Variants in BACH2 observed in about 807,000 individuals in gnomAD.
BACH2 encodes transcription regulator protein BACH2.
Under a neutral mutation model 61.8 loss-of-function variants are expected in BACH2, and 5 were observed. The ratio of observed to expected loss-of-function variants is 0.08; its 90% CI spans 0.04 to 0.17. BACH2 has a LOEUF of 0.17. Among genes scored for constraint, BACH2 ranks in the 10% least tolerant of loss-of-function variants. The pLI is 1.00. For missense variants in BACH2, 824 were observed against 1,091.1 expected (o/e 0.76, Z 3.45); for synonymous variants, 446 against 440.1 (o/e 1.01, Z -0.17).
chr6:90,112,226 ATT>A (rs1462611727), intron 4 of BACH2, among the ~76,000 whole-genome samples: 1 of 152,032 alleles, frequency 6.6e-6, no homozygotes, highest in African/African-American at 2.4e-5. Context: ...TTATTTATTT[ATT>A]TTTTTGAGAG....
At chr6:90,191,117 T>G (rs1768554719) in intron 4 of BACH2, among the ~76,000 whole-genome samples, 1 of 152,212 alleles carries the variant, frequency 6.6e-6, no homozygotes, top group African/African-American at 2.4e-5. Flanking sequence ...ATCCGTGACT[T>G]AAGGCTACCT....
At chr6:90,028,476 C>A (rs774700373) in intron 5 of BACH2, among the ~76,000 whole-genome samples, 1 of 152,144 alleles carries the variant, frequency 6.6e-6, no homozygotes, top group Admixed American at 6.6e-5. Flanking sequence ...TATGTTCTGC[C>A]CAAATCAGAA....
At chr6:90,078,010 A>G (rs1781550416) in intron 5 of BACH2, among the ~76,000 whole-genome samples, 1 of 152,198 alleles carries the variant, frequency 6.6e-6, no homozygotes, top group Non-Finnish European at 1.5e-5. Context: ...ACAGGTATAC[A>G]TTGTATTAAA....
intron 6 of BACH2, among the ~76,000 whole-genome samples, chr6:89,971,582 A>C (rs1008296514): frequency 3.9e-5 from 6 of 152,132 alleles, no homozygotes; most frequent in Admixed American, 3.9e-4. Flanking sequence ...GTCCATTTTC[A>C]TGCTGCTGAT....
intron 4 of BACH2, among the ~76,000 whole-genome samples, chr6:90,159,076 T>A (rs1785096697): frequency 1.3e-5 from 2 of 152,206 alleles, no homozygotes; most frequent in South Asian, 4.1e-4. Context: ...ATGGGCTCTA[T>A]CTTCTAAAGC....
At chr6:90,030,869 C>T (rs1303850811) in intron 5 of BACH2, among the ~76,000 whole-genome samples, 1 of 151,508 alleles carries the variant, frequency 6.6e-6, no homozygotes, top group Non-Finnish European at 1.5e-5. Context: ...CCAGCATCAT[C>T]CTGATACCAA....
chr6:90,145,370 G>A (rs1784582485), intron 4 of BACH2, among the ~76,000 whole-genome samples: 1 of 152,222 alleles, frequency 6.6e-6, no homozygotes, highest in South Asian at 2.1e-4. Context: ...TAGCTTAGAT[G>A]AAAATGTCTG....
At chr6:89,948,215 AT>A (rs1028981561) in intron 7 of BACH2, among the ~76,000 whole-genome samples, 35 of 150,360 alleles carry the variant, frequency 2.3e-4, no homozygotes, top group Admixed American at 2.2e-3. Flanking sequence ...CCAGCCTTTT[AT>A]TTTTTTTTGA....
chr6:90,081,677 C>T (rs567562162), intron 5 of BACH2, among the ~76,000 whole-genome samples: 2 of 152,076 alleles, frequency 1.3e-5, no homozygotes, highest in Admixed American at 1.3e-4. Context: ...TAGATATAAC[C>T]AATGTCAAAG....
At chr6:90,042,368 A>G (rs75415241) in intron 5 of BACH2, among the ~76,000 whole-genome samples, 3 of 144,392 alleles carry the variant, frequency 2.1e-5, no homozygotes, top group Non-Finnish European at 4.6e-5. Flanking sequence ...AGTTTTTTGT[A>G]TTTTTTTTTT....
At chr6:90,033,246 T>C (rs1217211120) in intron 5 of BACH2, among the ~76,000 whole-genome samples, 2 of 150,738 alleles carry the variant, frequency 1.3e-5, no homozygotes, top group Non-Finnish European at 2.9e-5. Context: ...TTTTGAGATA[T>C]ACCTAATGTT....
At chr6:90,270,822 A>C (rs1483008045) in intron 2 of BACH2, among the ~76,000 whole-genome samples, 3 of 152,232 alleles carry the variant, frequency 2.0e-5, no homozygotes, top group African/African-American at 7.2e-5. Context: ...CCCAATTTCC[A>C]ACTATACTAC....
intron 2 of BACH2, among the ~76,000 whole-genome samples, chr6:90,263,326 TAGAC>T (rs61684467): frequency 0.073 from 11,084 of 152,158 alleles, 1,281 homozygotes; most frequent in African/African-American, 0.24. Flanking sequence ...TGTGCTTAGT[TAGAC>T]AGACAGCTTA....
chr6:89,958,900 A>G (rs1321984709), intron 6 of BACH2, among the ~76,000 whole-genome samples: 1 of 152,174 alleles, frequency 6.6e-6, no homozygotes, highest in Non-Finnish European at 1.5e-5. Flanking sequence ...CCACAAAACC[A>G]GAACTGGCTA....
intron 4 of BACH2, among the ~76,000 whole-genome samples, chr6:90,193,959 T>C (rs1159161744): frequency 6.6e-6 from 1 of 152,198 alleles, no homozygotes; most frequent in Non-Finnish European, 1.5e-5. Flanking sequence ...CTCCATAGGG[T>C]ATAAATTTAC....
intron 5 of BACH2, among the ~76,000 whole-genome samples, chr6:90,013,712 G>T (rs932668636): frequency 6.6e-6 from 1 of 151,970 alleles, no homozygotes; most frequent in Non-Finnish European, 1.5e-5. Flanking sequence ...GTTTCACCAT[G>T]TTAGCCAGGA....
intron 4 of BACH2, among the ~76,000 whole-genome samples, chr6:90,173,627 A>C (rs1767890513): frequency 6.6e-6 from 1 of 152,176 alleles, no homozygotes; most frequent in African/African-American, 2.4e-5. Context: ...AAGACAAAAT[A>C]ACATAGTGAT....
At chr6:89,952,976 C>T (rs1248458672) in intron 6 of BACH2, 1 of 152,238 alleles carries the variant, frequency 6.6e-6, no homozygotes, top group Non-Finnish European at 1.5e-5. Flanking sequence ...GCTGACCACA[C>T]AGGAAGGTGA....
chr6:90,242,929 G>A (rs1260698437), intron 3 of BACH2, among the ~76,000 whole-genome samples: 2 of 151,754 alleles, frequency 1.3e-5, no homozygotes, highest in African/African-American at 4.8e-5. Flanking sequence ...GCCCAGACTG[G>A]AGTGCAATGG....
Sources: allele counts gnomAD v4.1 joint callset (sites outside exome capture counted in the v4.1 genomes callset), GRCh38; gene constraint gnomAD v4.1.1; transcripts MANE v1.5; gene names NCBI Gene and HGNC (gene_info 2026-07-23, HGNC 2026-07-21).